The following COL25A1 variants were observed in gnomAD, a reference collection of about 807,000 sequenced individuals.
COL25A1 encodes the protein collagen type XXV alpha 1 chain, also known as collagen alpha-1(XXV) chain.
In COL25A1, 103 loss-of-function variants were observed where a neutral mutation model predicts 128.4. The ratio of observed to expected loss-of-function variants is 0.80; its 90% CI spans 0.68 to 0.94. COL25A1 has a LOEUF of 0.94. Among genes scored for constraint, COL25A1 ranks in the 40% least tolerant of loss-of-function variants. The probability of loss-of-function intolerance (pLI) is 0.00; values close to 1 mark genes in which losing one functional copy is unlikely to be tolerated. For synonymous variants in COL25A1, 279 were observed against 277.2 expected (o/e 1.01, Z -0.06); for missense variants, 745 against 840.0 (o/e 0.89, Z 1.40).
intron 3 of COL25A1, among the ~76,000 whole-genome samples, chr4:109,074,393 T>TC (rs933901412): frequency 4.6e-5 from 7 of 152,018 alleles, no homozygotes; most frequent in Middle Eastern, 3.4e-3. Flanking sequence ...ACAATTCTAG[T>TC]CCCCCCACCT....
At position 109,012,524 on chromosome 4, in the gene COL25A1, G is replaced by A. The variant is rs544660043; in HGVS notation, c.421-2149C>T. 8.3e-4 allele frequency among the ~76,000 whole-genome samples: 127 copies of A among 152,160 alleles called. 1 individual carries two copies. The highest frequency in any genetic ancestry group is 1.5e-3 in the Non-Finnish European group (102 of 68,002). On this transcript the variant is annotated intron_variant, in intron 5 of 37. Coordinates refer to ENST00000399132, the MANE Select transcript of COL25A1 (RefSeq NM_198721.4). ...CTGCGTGCAGCGCTCGTGGGCCAGC[G>A]CGAGTTCCAGGTGGGCGCGGGCTTG...
intron 3 of COL25A1, among the ~76,000 whole-genome samples, chr4:109,152,163 G>GT (rs1314010610): frequency 6.6e-6 from 1 of 151,042 alleles, no homozygotes; most frequent in African/African-American, 2.4e-5. Flanking sequence ...TCAAGTGTAT[G>GT]TATTATGGAA....
chr4:109,170,099 T>C (rs1242934826), intron 3 of COL25A1, among the ~76,000 whole-genome samples: 3 of 152,160 alleles, frequency 2.0e-5, no homozygotes, highest in Non-Finnish European at 4.4e-5. Context: ...TATTCTGACC[T>C]GAGGACATGT....
chr4:109,001,424 G>GAGATCCTGACAGGTAGGCATC (rs1561003582), intron 6 of COL25A1, among the ~76,000 whole-genome samples: 1 of 18,414 alleles, frequency 5.4e-5, no homozygotes, highest in Non-Finnish European at 1.7e-4. Flanking sequence ...CAGGTAGGCA[G>GAGATCCTGACAGGTAGGCATC]TGAGCTAGAG....
chr4:108,853,196 T>A (rs1736007332), intron 24 of COL25A1, among the ~76,000 whole-genome samples: 1 of 152,098 alleles, frequency 6.6e-6, no homozygotes, highest in African/African-American at 2.4e-5. Flanking sequence ...TTGAAAAAAA[T>A]AATGCAGTAA....
intron 24 of COL25A1, among the ~76,000 whole-genome samples, chr4:108,855,846 GAC>G (rs1465331966): frequency 5.9e-5 from 9 of 152,098 alleles, no homozygotes; most frequent in Non-Finnish European, 1.3e-4. Flanking sequence ...CCAGTATGCA[GAC>G]ACACAGAGAA....
At chr4:109,203,493 C>T (rs1232130390) in intron 3 of COL25A1, among the ~76,000 whole-genome samples, 1 of 151,676 alleles carries the variant, frequency 6.6e-6, no homozygotes, top group African/African-American at 2.4e-5. Context: ...GAAGGAGAAA[C>T]AAAAGGAATT....
intron 6 of COL25A1, among the ~76,000 whole-genome samples, chr4:108,994,444 T>A (rs1754546550): frequency 6.6e-6 from 1 of 152,110 alleles, no homozygotes; most frequent in South Asian, 2.1e-4. Context: ...GCTCACAGTG[T>A]AAACAAAGTG....
intron 26 of COL25A1, among the ~76,000 whole-genome samples, chr4:108,851,928 C>T (rs1295625567): frequency 6.6e-6 from 1 of 152,098 alleles, no homozygotes. Flanking sequence ...TGTTTTCATA[C>T]ACCACATTTA....
At chr4:108,975,311 CT>C (rs1360468996) in intron 6 of COL25A1, among the ~76,000 whole-genome samples, 2 of 152,160 alleles carry the variant, frequency 1.3e-5, no homozygotes, top group Admixed American at 6.5e-5. Context: ...CAAAAATTAG[CT>C]GGGTGTGGTG....
chr4:108,926,124 T>A (rs1466648112), intron 11 of COL25A1, among the ~76,000 whole-genome samples: 1 of 152,192 alleles, frequency 6.6e-6, no homozygotes, highest in East Asian at 1.9e-4. Context: ...ACTACTGATG[T>A]TAGCACAAAT....
intron 3 of COL25A1, among the ~76,000 whole-genome samples, chr4:109,270,907 C>T (rs1204599519): frequency 6.6e-6 from 1 of 152,168 alleles, no homozygotes. Context: ...CTCCTATGGG[C>T]CAGCATTGTG....
At position 109,271,290 on chromosome 4, in the gene COL25A1, G is replaced by A. The variant is rs547055485; in HGVS notation, c.367+29293C>T. Reference sequence around the variant, plus strand: ...CAATAAAATAAGGTTCTTGGTTAAAGGAAGCTGGAAGAGAAAATGCCCAAT... The same window carrying A: ...CAATAAAATAAGGTTCTTGGTTAAAAGAAGCTGGAAGAGAAAATGCCCAAT... On this transcript the variant is annotated intron_variant, in intron 3 of 37. Coordinates refer to ENST00000399132, the MANE Select transcript of COL25A1 (RefSeq NM_198721.4). Among the ~76,000 whole-genome samples, 13 of 152,328 alleles carry A rather than the reference G, an allele frequency of 8.5e-5. No homozygotes were observed. In the South Asian group the frequency reaches 2.7e-3, roughly 32 times the overall value.
At chr4:108,994,814 T>C (rs958069311) in intron 6 of COL25A1, among the ~76,000 whole-genome samples, 1 of 152,180 alleles carries the variant, frequency 6.6e-6, no homozygotes, top group Non-Finnish European at 1.5e-5. Flanking sequence ...CCGCTAGTGA[T>C]ACCCAGGCAA....
chr4:109,256,563 C>T (rs1404359632), intron 3 of COL25A1, among the ~76,000 whole-genome samples: 1 of 152,114 alleles, frequency 6.6e-6, no homozygotes, highest in Non-Finnish European at 1.5e-5. Flanking sequence ...AGTTTTAGTT[C>T]CATGTCTTAT....
At position 109,088,629 on chromosome 4, in the gene COL25A1, G is replaced by C. The variant is rs144109423; in HGVS notation, c.368-38450C>G. Among the ~76,000 whole-genome samples the C allele has an allele frequency of 2.6e-3, 401 of 152,262 alleles. 1 individual carries two copies. The highest frequency in any genetic ancestry group is 7.1e-3 in the Admixed American group (109 of 15,288). On this transcript the variant is annotated intron_variant, in intron 3 of 37. Transcript: ENST00000399132. ...AACTGATGAATGAATGAATGATAAC[G>C]ATCAATTAGCAATATTTGTTAAGAA...
At chr4:108,868,099 T>C (rs1017958592) in intron 20 of COL25A1, among the ~76,000 whole-genome samples, 8 of 152,170 alleles carry the variant, frequency 5.3e-5, no homozygotes, top group Non-Finnish European at 8.8e-5. Context: ...GTAATAACCT[T>C]TGATTTACAA....
At chr4:109,101,713 T>G (rs1020533408) in intron 3 of COL25A1, among the ~76,000 whole-genome samples, 2 of 152,190 alleles carry the variant, frequency 1.3e-5, no homozygotes, top group Non-Finnish European at 2.9e-5. Context: ...ATTATCTCTT[T>G]CATGAAATGC....
intron 3 of COL25A1, among the ~76,000 whole-genome samples, chr4:109,239,027 C>T (rs961175460): frequency 6.6e-6 from 1 of 151,844 alleles, no homozygotes; most frequent in East Asian, 1.9e-4. Context: ...CTGAGAGGCC[C>T]AATAAGGGCA....
Sources: gnomAD v4.1 joint callset for allele counts (sites outside exome capture counted in the v4.1 genomes callset) on GRCh38, gnomAD v4.1.1 for gene constraint, MANE v1.5 for transcripts, NCBI Gene and HGNC (gene_info 2026-07-23, HGNC 2026-07-21) for gene names.